The following BORCS5 variants were observed in gnomAD, a reference collection of about 807,000 sequenced individuals.
The protein encoded by BORCS5 is BLOC-1-related complex subunit 5.
Under a neutral mutation model 22.1 loss-of-function variants are expected in BORCS5, and 17 were observed. The observed-to-expected ratio is 0.77, with a 90% CI of 0.53 to 1.15. The LOEUF (loss-of-function observed/expected upper bound fraction) is 1.15. BORCS5 is among the 50% of genes most tolerant of loss of function. BORCS5 has a pLI of 0.00. For missense variants in BORCS5, 247 were observed against 253.2 expected, an observed-to-expected ratio of 0.98 and a Z score of 0.17; for synonymous variants, 117 against 99.8, an observed-to-expected ratio of 1.17 and a Z score of -1.03.
intron 2 of BORCS5, among the ~76,000 whole-genome samples, chr12:12,428,739 A>G (rs1262387758): frequency 6.6e-6 from 1 of 151,456 alleles, no homozygotes; most frequent in Admixed American, 6.6e-5. Context: ...GGTGTTTTTA[A>G]CGGCTCAGCA....
In BORCS5 at chr12:12,406,783, A is replaced by G. The variant is rs370744815; in HGVS notation, c.203-28845A>G. Among the ~76,000 whole-genome samples, 6 of 150,164 alleles carry G rather than the reference A, an allele frequency of 4.0e-5. No homozygotes were observed. The East Asian group carries it at 9.7e-4, about 24-fold the overall frequency. ...GTGTATACTTCAAACTACTGTGAGC[A>G]TGTGTTAAACACCTTTTTTTTTTTA... is the stretch of plus-strand genomic sequence containing the variant. On this transcript the variant is annotated intron_variant, in intron 2 of 3. Transcript: ENST00000314565.
At chr12:12,438,376 A>AT (rs1194075292) in intron 3 of BORCS5, among the ~76,000 whole-genome samples, 2 of 136,386 alleles carry the variant, frequency 1.5e-5, no homozygotes, top group African/African-American at 7.0e-5. Flanking sequence ...AAAAAAAAAA[A>AT]AAAACGAAAA....
intron 2 of BORCS5, among the ~76,000 whole-genome samples, chr12:12,402,765 A>G (rs1941506820): frequency 6.6e-6 from 1 of 152,252 alleles, no homozygotes. Flanking sequence ...AAATAATTCC[A>G]GAAGTATTTG....
chr12:12,403,390 T>G (rs1400611765), intron 2 of BORCS5, among the ~76,000 whole-genome samples: 1 of 152,246 alleles, frequency 6.6e-6, no homozygotes, highest in Non-Finnish European at 1.5e-5. Context: ...CTGGCTTTTC[T>G]GTGGCAATCC....
chr12:12,458,329 C>G (rs1490295034), intron 3 of BORCS5, among the ~76,000 whole-genome samples: 2 of 152,154 alleles, frequency 1.3e-5, no homozygotes, highest in Non-Finnish European at 2.9e-5. Flanking sequence ...ATATTTCCCC[C>G]TCAAGAACAA....
rs575116813 is a variant in BORCS5 at position 12,452,704 on chromosome 12, T to A, written c.361-12842T>A. Among the ~76,000 whole-genome samples the A allele has an allele frequency of 4.1e-4, 62 of 152,338 alleles. 2 individuals are homozygous for A. The highest frequency in any genetic ancestry group is 3.5e-3 in the Admixed American group (53 of 15,302). ...AATTGGTGCCATTCAGCCTGTGGCG[T>A]AATTAAGGAAAACATTTGCCCATTG... On this transcript the variant is annotated intron_variant, in intron 3 of 3. Transcript: ENST00000314565.
chr12:12,391,688 C>A (rs1383724496), intron 2 of BORCS5, among the ~76,000 whole-genome samples: 4 of 150,924 alleles, frequency 2.7e-5, no homozygotes, highest in Non-Finnish European at 4.4e-5. Context: ...ACGCCTGGCA[C>A]AAAATGATCT....
chr12:12,457,253 G>C (rs1471540082), intron 3 of BORCS5, among the ~76,000 whole-genome samples: 1 of 152,218 alleles, frequency 6.6e-6, no homozygotes, highest in African/African-American at 2.4e-5. Flanking sequence ...GGTCAGCAAG[G>C]TTAAGTAACT....
At chr12:12,403,898 C>A (rs1941534982) in intron 2 of BORCS5, among the ~76,000 whole-genome samples, 1 of 152,132 alleles carries the variant, frequency 6.6e-6, no homozygotes, top group Non-Finnish European at 1.5e-5. Flanking sequence ...TGTATTTTTT[C>A]CTAGTTGCTA....
chr12:12,413,115 T>G (rs1180614499), intron 2 of BORCS5, among the ~76,000 whole-genome samples: 1 of 99,298 alleles, frequency 1.0e-5, no homozygotes, highest in African/African-American at 5.0e-5. Context: ...ACTCTTTTTT[T>G]TTTTTTTTTT....
intron 2 of BORCS5, among the ~76,000 whole-genome samples, chr12:12,361,694 T>G (rs1356526933): frequency 6.6e-6 from 1 of 152,234 alleles, no homozygotes; most frequent in Non-Finnish European, 1.5e-5. Flanking sequence ...AGATAGGGAC[T>G]AAGTGAATGA....
chr12:12,416,139 T>C (rs554677430), intron 2 of BORCS5, among the ~76,000 whole-genome samples: 116 of 152,326 alleles, frequency 7.6e-4, no homozygotes, highest in Non-Finnish European at 1.0e-3. Flanking sequence ...CCTTGTAAAG[T>C]CATTTTTATT....
At chr12:12,376,359 G>A (rs1006116183) in intron 2 of BORCS5, among the ~76,000 whole-genome samples, 4 of 151,296 alleles carry the variant, frequency 2.6e-5, no homozygotes, top group African/African-American at 9.7e-5. Flanking sequence ...TCAGCCTCCT[G>A]AGTAGCTGGG....
chr12:12,363,285 A>G (rs1242857975), intron 2 of BORCS5, among the ~76,000 whole-genome samples: 2 of 150,404 alleles, frequency 1.3e-5, no homozygotes, highest in Non-Finnish European at 3.0e-5. Context: ...TGACAGAGTG[A>G]GATCCTGCCT....
chr12:12,430,168 T>TTTTTTTTTTTTG (rs1942386204), intron 2 of BORCS5, among the ~76,000 whole-genome samples: 2 of 148,196 alleles, frequency 1.3e-5, no homozygotes, highest in African/African-American at 5.1e-5. Flanking sequence ...TTTTTTTTTT[T>TTTTTTTTTTTTG]GAGACAGAGT....
At chr12:12,413,766 C>G (rs1239481154) in intron 2 of BORCS5, among the ~76,000 whole-genome samples, 1 of 85,130 alleles carries the variant, frequency 1.2e-5, no homozygotes, top group East Asian at 2.5e-4. Context: ...GGGCTCCTCA[C>G]TTCCCAGTAG....
In BORCS5 at chr12:12,417,117, C is replaced by G. The variant is rs145883942; in HGVS notation, c.203-18511C>G. Among the ~76,000 whole-genome samples, 75 of 152,180 alleles carry G rather than the reference C, an allele frequency of 4.9e-4. No individual in the cohort carries two copies. In the East Asian group the frequency reaches 0.013, roughly 27 times the overall value. ...AATGTAAACATTGATAAATTTCCCC[C>G]TTAGCATTGCTTTCACTGCATTTCA... On this transcript the variant is annotated intron_variant, in intron 2 of 3. Transcript: ENST00000314565.
chr12:12,408,796 T>C (rs1041275050), intron 2 of BORCS5, among the ~76,000 whole-genome samples: 1 of 152,220 alleles, frequency 6.6e-6, no homozygotes, highest in Non-Finnish European at 1.5e-5. Flanking sequence ...TAAAAGGGAA[T>C]TCCTTTTTAA....
intron 2 of BORCS5, among the ~76,000 whole-genome samples, chr12:12,406,656 C>G (rs576684048): frequency 3.7e-4 from 56 of 149,930 alleles, no homozygotes; most frequent in Non-Finnish European, 4.4e-4. Context: ...AAAAAAAAAA[C>G]GTGTCAGGTC....
Sources: gnomAD v4.1 joint callset for allele counts (sites outside exome capture counted in the v4.1 genomes callset) on GRCh38, gnomAD v4.1.1 for gene constraint, MANE v1.5 for transcripts, NCBI Gene and HGNC (gene_info 2026-07-23, HGNC 2026-07-21) for gene names.